MACROD2: variants seen among roughly 807,000 people sequenced by gnomAD.
The protein encoded by MACROD2 is ADP-ribose glycohydrolase MACROD2.
Under a neutral mutation model 70.4 loss-of-function variants are expected in MACROD2, and 36 were observed. The ratio of observed to expected loss-of-function variants is 0.51; its 90% CI spans 0.39 to 0.68. MACROD2 has a LOEUF of 0.68. Among genes scored for constraint, MACROD2 ranks in the 30% least tolerant of loss-of-function variants. The pLI is 0.00. For synonymous variants in MACROD2, 172 were observed against 178.8 expected (o/e 0.96, Z 0.30); for missense variants, 496 against 538.4 (o/e 0.92, Z 0.78).
At chr20:15,740,365 A>G (rs1277168852) in intron 8 of MACROD2, among the ~76,000 whole-genome samples, 2 of 152,164 alleles carry the variant, frequency 1.3e-5, no homozygotes, top group Non-Finnish European at 2.9e-5. Flanking sequence ...ATTACTATCT[A>G]TAGCAGGGTC....
chr20:15,112,218 G>T (rs454574), intron 5 of MACROD2, among the ~76,000 whole-genome samples: 17,761 of 152,040 alleles, frequency 0.12, 1,210 homozygotes, highest in Admixed American at 0.17. Flanking sequence ...CTTAATCATT[G>T]CACGGTTGAT....
At chr20:14,439,220 G>A (rs79985881) in intron 3 of MACROD2, among the ~76,000 whole-genome samples, 3,906 of 151,956 alleles carry the variant, frequency 0.026, 80 homozygotes, top group Non-Finnish European at 0.037. Flanking sequence ...GTGTAAGTTC[G>A]GGTTTACTTT....
intron 8 of MACROD2, among the ~76,000 whole-genome samples, chr20:15,819,192 T>C (rs957899795): frequency 1.5e-3 from 168 of 115,696 alleles, no homozygotes; most frequent in African/African-American, 4.8e-3. Flanking sequence ...GGTGTAAATC[T>C]GTATCTATAT....
chr20:14,726,448 C>A (rs1487498771), intron 5 of MACROD2, among the ~76,000 whole-genome samples: 1 of 152,086 alleles, frequency 6.6e-6, no homozygotes, highest in Non-Finnish European at 1.5e-5. Flanking sequence ...GTGTCACAGG[C>A]GAAACTGAAT....
intron 3 of MACROD2, among the ~76,000 whole-genome samples, chr20:14,273,664 T>C (rs2082220426): frequency 6.7e-6 from 1 of 150,344 alleles, no homozygotes; most frequent in South Asian, 2.1e-4. Context: ...CTGAAGGAAA[T>C]AGAGACACAA....
At chr20:14,278,539 TA>T (rs568972301) in intron 3 of MACROD2, among the ~76,000 whole-genome samples, 167 of 152,360 alleles carry the variant, frequency 1.1e-3, no homozygotes, top group African/African-American at 3.8e-3. Context: ...TTTTCAGCAA[TA>T]TTTTTTCTTC....
At chr20:14,396,417 A>G (rs2083579901) in intron 3 of MACROD2, among the ~76,000 whole-genome samples, 1 of 152,160 alleles carries the variant, frequency 6.6e-6, no homozygotes, top group Non-Finnish European at 1.5e-5. Flanking sequence ...AGTCTAGGAT[A>G]ATTGTCTCCT....
intron 8 of MACROD2, among the ~76,000 whole-genome samples, chr20:15,636,093 G>GAAAAAAAAAAAAAAAAAA (rs2049362741): frequency 1.5e-5 from 1 of 64,890 alleles, no homozygotes. Flanking sequence ...AAAAAAAAAA[G>GAAAAAAAAAAAAAAAAAA]AAAGAAAAGA....
chr20:15,972,852 A>G (rs768155471), intron 13 of MACROD2, among the ~76,000 whole-genome samples: 2 of 152,110 alleles, frequency 1.3e-5, no homozygotes, highest in Non-Finnish European at 2.9e-5. Flanking sequence ...AAAGGTCCCA[A>G]TGGAAACTAG....
chr20:14,931,347 A>G (rs1254168603), intron 5 of MACROD2, among the ~76,000 whole-genome samples: 1 of 152,122 alleles, frequency 6.6e-6, no homozygotes, highest in Non-Finnish European at 1.5e-5. Context: ...TCACTTAGCA[A>G]TCTTCACCAA....
chr20:16,017,790 T>C (rs1005990980), intron 15 of MACROD2, among the ~76,000 whole-genome samples: 1 of 152,200 alleles, frequency 6.6e-6, no homozygotes, highest in Non-Finnish European at 1.5e-5. Context: ...TCATGACACA[T>C]AGTGGGTACT....
At chr20:16,049,334 T>G (rs1440514104) in intron 17 of MACROD2, among the ~76,000 whole-genome samples, 4 of 152,284 alleles carry the variant, frequency 2.6e-5, no homozygotes, top group Admixed American at 6.5e-5. Flanking sequence ...AGTATAGGTT[T>G]TTGCAAGGCA....
At chr20:15,783,489 G>A (rs2051870209) in intron 8 of MACROD2, among the ~76,000 whole-genome samples, 1 of 151,972 alleles carries the variant, frequency 6.6e-6, no homozygotes, top group African/African-American at 2.4e-5. Flanking sequence ...CCTATTGGAG[G>A]GGTATTTGTC....
intron 5 of MACROD2, among the ~76,000 whole-genome samples, chr20:15,176,632 C>G (rs538486609): frequency 6.6e-6 from 1 of 152,232 alleles, no homozygotes; most frequent in Admixed American, 6.5e-5. Flanking sequence ...TTCTGTCACT[C>G]AATGGAGCTC....
intron 8 of MACROD2, among the ~76,000 whole-genome samples, chr20:15,834,305 A>T (rs753753637): frequency 4.4e-4 from 67 of 152,112 alleles, no homozygotes; most frequent in Non-Finnish European, 7.2e-4. Flanking sequence ...GCACCACTGC[A>T]CTCCCGTCTG....
chr20:14,427,851 C>T (rs760382055), intron 3 of MACROD2, among the ~76,000 whole-genome samples: 3 of 152,062 alleles, frequency 2.0e-5, no homozygotes, highest in Admixed American at 6.6e-5. Flanking sequence ...AATGAAATAC[C>T]AAGTGGCTGA....
chr20:14,718,689 C>A (rs937054755), intron 5 of MACROD2, among the ~76,000 whole-genome samples: 3 of 152,072 alleles, frequency 2.0e-5, no homozygotes, highest in Non-Finnish European at 4.4e-5. Flanking sequence ...AAACAGTCAT[C>A]CTTGATGCTC....
At chr20:14,248,575 T>A (rs529858411) in intron 3 of MACROD2, among the ~76,000 whole-genome samples, 2 of 152,110 alleles carry the variant, frequency 1.3e-5, no homozygotes, top group East Asian at 3.9e-4. Flanking sequence ...AGAGCGAGAC[T>A]CTGTCTCAAA....
At chr20:15,790,748 C>T (rs542422040) in intron 8 of MACROD2, among the ~76,000 whole-genome samples, 1 of 151,950 alleles carries the variant, frequency 6.6e-6, no homozygotes, top group East Asian at 1.9e-4. Flanking sequence ...TCATTAGTTG[C>T]TGCTTATGTA....
Sources: gnomAD v4.1 joint callset for allele counts (sites outside exome capture counted in the v4.1 genomes callset) on GRCh38, gnomAD v4.1.1 for gene constraint, MANE v1.5 for transcripts, NCBI Gene and HGNC (gene_info 2026-07-23, HGNC 2026-07-21) for gene names.